Variants in ABCG5 observed in about 807,000 individuals in gnomAD.
ABCG5 encodes the protein ATP-binding cassette sub-family G member 5.
Under a neutral mutation model 64.5 loss-of-function variants are expected in ABCG5, and 64 were observed. The observed-to-expected ratio is 0.99, with a 90% CI of 0.81 to 1.22. ABCG5 has a LOEUF of 1.22. Among genes scored for constraint, ABCG5 ranks in the 50% most tolerant of loss-of-function variants. The pLI, the probability that ABCG5 is intolerant of heterozygous loss-of-function variation, is 0.00. For missense variants in ABCG5, 908 were observed against 829.5 expected, an observed-to-expected ratio of 1.09 and a Z score of -1.16; for synonymous variants, 385 against 326.3, an observed-to-expected ratio of 1.18 and a Z score of -1.94.
upstream of ABCG5, chr2:43,839,079 G>A (rs954078225): frequency 1.3e-6 from 2 of 1,551,102 alleles, no homozygotes; most frequent in Admixed American, 3.9e-5. Context: ...GCAGAGGAGA[G>A]AGGGCTGCCG....
intron 4 of ABCG5, among the ~76,000 whole-genome samples, chr2:43,829,868 T>C (rs370966613): frequency 3.7e-4 from 56 of 152,308 alleles, no homozygotes; most frequent in African/African-American, 1.3e-3. Context: ...GTTGACGGCA[T>C]AGATGTAGCT....
downstream of ABCG5, chr2:43,809,870 A>G: frequency 4.1e-6 from 6 of 1,453,926 alleles, no homozygotes; most frequent in Non-Finnish European, 5.4e-6. Flanking sequence ...GTTAAACTGT[A>G]TAATTTGTTA....
rs1024805418 is a variant in ABCG5 at position 43,838,781 on chromosome 2, C to A, written c.-102G>T. 111 of 1,556,954 alleles carry A rather than the reference C, an allele frequency of 7.1e-5. 4 individuals are homozygous for A. The Middle Eastern group carries it at 8.5e-4, about 12-fold the overall frequency. ...TGGCAGACTGCCCTGCCTGCTCCAC[C>A]TGACCCCGGAGTCCCTTGGGACAGC... is the stretch of plus-strand genomic sequence containing the variant. On this transcript the variant is annotated 5_prime_UTR_variant, in exon 1 of 13. It adds an upstream start codon to the 5' untranslated region. Coordinates refer to ENST00000405322, the MANE Select transcript of ABCG5 (RefSeq NM_022436.3). The surrounding 1 kb of genome is among the most constrained non-coding windows in gnomAD (Gnocchi z 4.2).
chr2:43,826,916 C>A (rs1667643605), intron 5 of ABCG5, among the ~76,000 whole-genome samples: 1 of 152,232 alleles, frequency 6.6e-6, no homozygotes, highest in Admixed American at 6.5e-5. Flanking sequence ...CACTTTCCAA[C>A]ACCAGCAGGG....
At chr2:43,835,264 GC>G (rs879782864) in intron 2 of ABCG5, among the ~76,000 whole-genome samples, 4,891 of 59,674 alleles carry the variant, frequency 0.082, 276 homozygotes, top group African/African-American at 0.26. Context: ...GCACTTCTGA[GC>G]ATTGGCCTTT....
At chr2:43,815,320 C>G (rs564915888) in intron 11 of ABCG5, among the ~76,000 whole-genome samples, 98 of 152,334 alleles carry the variant, frequency 6.4e-4, no homozygotes, top group Non-Finnish European at 1.0e-3. Context: ...TTGCAAGGCA[C>G]TAGTTCTAGG....
At chr2:43,838,865 T>C, upstream of ABCG5, 8 of 1,251,386 alleles carry the variant, frequency 6.4e-6, no homozygotes, top group Non-Finnish European at 7.8e-6. The surrounding 1 kb of genome is among the most constrained non-coding windows in gnomAD (Gnocchi z 4.2). Context: ...AGCGCGTCCT[T>C]ATCTTGACAG....
At chr2:43,808,216 G>A (rs1354829912), downstream of ABCG5, among the ~76,000 whole-genome samples, 1 of 151,222 alleles carries the variant, frequency 6.6e-6, no homozygotes, top group Non-Finnish European at 1.5e-5. Flanking sequence ...GACTACATAT[G>A]ATTATTACCA....
At position 43,838,486 on chromosome 2, in the gene ABCG5, G is replaced by T. The variant is rs374134160; in HGVS notation, c.143+51C>A. On this transcript the variant is annotated intron_variant, in intron 1 of 12. Transcript: ENST00000405322. This position sits in a 1 kb window ranked among gnomAD's most constrained non-coding sequence, Gnocchi z 4.2. Reference sequence around the variant, plus strand: ...GAAGAAAGGCAGCAGAGGGGTGAGCGCCGGGCCCCGCACTCCTGGGGGAGC... The same window carrying T: ...GAAGAAAGGCAGCAGAGGGGTGAGCTCCGGGCCCCGCACTCCTGGGGGAGC... The T allele has an allele frequency of 1.4e-5, 21 of 1,535,206 alleles. No homozygotes were observed. The highest frequency in any genetic ancestry group is 1.8e-5 in the Non-Finnish European group (20 of 1,130,904).
upstream of ABCG5, chr2:43,839,008 T>G (rs756956428): frequency 6.5e-7 from 1 of 1,539,792 alleles, no homozygotes. Flanking sequence ...AGGCAGCAGC[T>G]GGGTCTAAGA....
In ABCG5 at chr2:43,822,934, A is replaced by G. The variant is rs200597050; in HGVS notation, c.1326T>C (p.Phe442=). Residue 442 remains phenylalanine (F), a splice_region_variant and synonymous_variant, in exon 10 of 13, where the codon TTT becomes TTC. Coordinates refer to ENST00000405322, the MANE Select transcript of ABCG5 (RefSeq NM_022436.3). ...YTGMLNAVNL[F]PVLRAVSDQE... The stretch of plus-strand genomic sequence containing the variant: ...GGTCGCTGACAGCTCGCAGCACGGG[A>G]ACTGGGGATGGAAGGCAGGTTTCAG... 35 of 1,613,714 alleles carry G rather than the reference A, an allele frequency of 2.2e-5. No individual in the cohort carries two copies. In the East Asian group the frequency reaches 7.6e-4, roughly 35 times the overall value.
intron 2 of ABCG5, among the ~76,000 whole-genome samples, chr2:43,833,456 C>T (rs565772443): frequency 1.3e-5 from 2 of 151,526 alleles, no homozygotes; most frequent in Admixed American, 1.3e-4. Context: ...AGTCTCGGCT[C>T]ACTGCAACCT....
Position 43,837,923 on chromosome 2 carries a change from G to A in ABCG5, c.176C>T (p.Ser59Phe), listed in dbSNP as rs1428419912. ...HRVRPWWDIT[S>F]CRQQWTRQIL... ...CTGCCTGGTCCACTGCTGCCGGCAA[G>A]ATGTGATGTCCCACCAGGGCCTCAC... The change falls in exon 2 of 13, where the codon TCT (serine) becomes TTT (phenylalanine). Residue 59 changes from serine to phenylalanine, a missense_variant. By Grantham distance (155) the Ser-to-Phe change is radical. Coordinates refer to ENST00000405322, the MANE Select transcript of ABCG5 (RefSeq NM_022436.3). 3.7e-6 allele frequency: 6 copies of A among 1,614,120 alleles called. No individual in the cohort carries two copies. The highest frequency in any genetic ancestry group is 5.1e-6 in the Non-Finnish European group (6 of 1,180,000).
Position 43,837,950 on chromosome 2 carries a change from C to A in ABCG5, c.149G>T (p.Arg50Leu), listed in dbSNP as rs200036521. The A allele has an allele frequency of 2.5e-6, 4 of 1,613,958 alleles. No individual in the cohort carries two copies. Among genetic ancestry groups the A allele is most frequent in the Admixed American group, 1.7e-5 (1 of 60,012 alleles). ...ILHASYSVSH[R>L]VRPWWDITSC... ...TGTGATGTCCCACCAGGGCCTCACG[C>A]GGTGGCTTTAAAGGAAACCCCAGGA... The change falls in exon 2 of 13, where the codon CGC (arginine) becomes CTC (leucine). Residue 50 changes from arginine to leucine, a missense_variant. Transcript: ENST00000405322.
chr2:43,818,312 C>T (rs1435668493), intron 11 of ABCG5, among the ~76,000 whole-genome samples: 4 of 152,040 alleles, frequency 2.6e-5, no homozygotes, highest in Admixed American at 6.6e-5. Context: ...AGCATGGTGG[C>T]GCACACCTGT....
chr2:43,813,354 G>C (rs1271446200), intron 12 of ABCG5, 45 bp from the exon 13 acceptor site: 1 of 1,397,726 alleles, frequency 7.2e-7, no homozygotes, highest in South Asian at 1.2e-5. Context: ...TTTATCTCAG[G>C]TAATTTAATC....
intron 7 of ABCG5, 133 bp from the exon 8 acceptor site, chr2:43,824,565 C>A: frequency 6.4e-7 from 1 of 1,567,530 alleles, no homozygotes; most frequent in South Asian, 1.2e-5. Context: ...TAATGCCCAC[C>A]TATAAAATCA....
intron 12 of ABCG5, 43 bp from the exon 13 acceptor site, chr2:43,813,352 A>G (rs369394704): frequency 6.9e-5 from 96 of 1,384,692 alleles, no homozygotes; most frequent in Non-Finnish European, 9.8e-5. Context: ...GGTTTATCTC[A>G]GGTAATTTAA....
intron 5 of ABCG5, 149 bp downstream of exon 5, chr2:43,827,834 A>C: frequency 7.9e-7 from 1 of 1,269,246 alleles, no homozygotes; most frequent in South Asian, 1.3e-5. Context: ...ATTTCCAAAA[A>C]AACTGGGTCC....
Sources: gnomAD v4.1 joint callset for allele counts (sites outside exome capture counted in the v4.1 genomes callset) on GRCh38, gnomAD v4.1.1 for gene constraint, Gnocchi (gnomAD v3.1) non-coding constraint, MANE v1.5 for transcripts, NCBI Gene and HGNC (gene_info 2026-07-23, HGNC 2026-07-21) for gene names.